Variants in EXOC2 observed in about 807,000 individuals in gnomAD.
The protein encoded by EXOC2 is exocyst complex component 2.
In EXOC2, 70 loss-of-function variants were observed where a neutral mutation model predicts 131.8. The observed-to-expected ratio is 0.53, with a 90% CI of 0.44 to 0.65. The LOEUF is 0.65. Ranked by LOEUF, EXOC2 falls within the 30% of genes least tolerant of loss-of-function variation. The pLI is 0.00. For missense variants in EXOC2, 923 were observed against 1,108.6 expected (o/e 0.83, Z 2.38); for synonymous variants, 411 against 398.4 (o/e 1.03, Z -0.38).
chr6:546,697 G>A (rs1756882111), intron 22 of EXOC2, among the ~76,000 whole-genome samples: 1 of 152,114 alleles, frequency 6.6e-6, no homozygotes, highest in Admixed American at 6.5e-5. Context: ...AATATATTTT[G>A]TCTTCCTAAT....
intron 22 of EXOC2, among the ~76,000 whole-genome samples, chr6:545,867 T>C (rs375961030): frequency 3.3e-5 from 5 of 152,296 alleles, no homozygotes; most frequent in African/African-American, 1.2e-4. Flanking sequence ...TTAACAAATG[T>C]TATAAAGCCA....
chr6:592,888 A>T (rs1224049011), intron 10 of EXOC2, among the ~76,000 whole-genome samples: 1 of 151,924 alleles, frequency 6.6e-6, no homozygotes, highest in Non-Finnish European at 1.5e-5. Context: ...AAATTAGCCA[A>T]GTGTGTTGGT....
intron 21 of EXOC2, among the ~76,000 whole-genome samples, chr6:551,784 C>T (rs1757157593): frequency 6.6e-6 from 1 of 152,230 alleles, no homozygotes; most frequent in African/African-American, 2.4e-5. Flanking sequence ...CTAAGCATTC[C>T]TTTGTTTAAA....
intron 22 of EXOC2, among the ~76,000 whole-genome samples, chr6:538,545 G>A (rs374665166): frequency 2.6e-5 from 4 of 152,232 alleles, no homozygotes; most frequent in African/African-American, 9.6e-5. Flanking sequence ...TGATGGGGGT[G>A]AGAAAGGCAG....
intron 1 of EXOC2, chr6:655,902 C>A: frequency 8.7e-6 from 4 of 458,092 alleles, no homozygotes; most frequent in South Asian, 3.7e-5. Flanking sequence ...GGAAAAAAAC[C>A]TGACAAACCC....
intron 22 of EXOC2, among the ~76,000 whole-genome samples, chr6:545,027 G>T (rs1756763517): frequency 1.3e-5 from 2 of 150,792 alleles, no homozygotes; most frequent in African/African-American, 2.4e-5. Context: ...GGTGCCTGTA[G>T]TCCCAGCTAC....
At chr6:594,376 T>G (rs576841841) in intron 10 of EXOC2, among the ~76,000 whole-genome samples, 9 of 152,344 alleles carry the variant, frequency 5.9e-5, no homozygotes, top group African/African-American at 1.9e-4. Context: ...GGATGATGCA[T>G]TTCAGCGTTC....
intron 10 of EXOC2, among the ~76,000 whole-genome samples, chr6:594,499 T>A (rs933997804): frequency 6.6e-6 from 1 of 152,234 alleles, no homozygotes; most frequent in Non-Finnish European, 1.5e-5. Flanking sequence ...AGATACTCTT[T>A]TAGGGACGGT....
At chr6:691,010 T>C (rs886801524) in intron 1 of EXOC2, among the ~76,000 whole-genome samples, 2 of 152,214 alleles carry the variant, frequency 1.3e-5, no homozygotes, top group African/African-American at 4.8e-5. Context: ...ACCTACTATG[T>C]GGCAGACGCT....
intron 1 of EXOC2, among the ~76,000 whole-genome samples, chr6:685,127 A>AAC (rs35607623): frequency 0.25 from 38,042 of 149,456 alleles, 4,881 homozygotes; most frequent in Non-Finnish European, 0.28. Context: ...ATCATTTGAA[A>AAC]ACACACACAC....
intron 21 of EXOC2, among the ~76,000 whole-genome samples, chr6:551,467 A>G (rs1327002194): frequency 6.6e-6 from 1 of 152,240 alleles, no homozygotes; most frequent in African/African-American, 2.4e-5. Context: ...CTGCAGAGAC[A>G]CATGTGAGGT....
intron 1 of EXOC2, among the ~76,000 whole-genome samples, chr6:691,691 G>C (rs755807032): frequency 6.6e-6 from 1 of 152,202 alleles, no homozygotes; most frequent in East Asian, 1.9e-4. Flanking sequence ...TTTTGACTGC[G>C]TGGGCACCCC....
At chr6:658,059 T>C (rs1763221413) in intron 1 of EXOC2, among the ~76,000 whole-genome samples, 1 of 152,188 alleles carries the variant, frequency 6.6e-6, no homozygotes, top group Non-Finnish European at 1.5e-5. Flanking sequence ...TACTTTAATG[T>C]TATCTGTTTT....
At chr6:679,828 A>T (rs1031731347) in intron 1 of EXOC2, among the ~76,000 whole-genome samples, 3 of 152,242 alleles carry the variant, frequency 2.0e-5, no homozygotes, top group Non-Finnish European at 4.4e-5. Flanking sequence ...ATACGAATAA[A>T]TAAATAGGCA....
intron 12 of EXOC2, 31 bp from the exon 13 acceptor site, chr6:572,675 T>C (rs1758351619): frequency 6.2e-7 from 1 of 1,602,268 alleles, no homozygotes; most frequent in South Asian, 1.1e-5. Context: ...ATACTATGAT[T>C]GTACTTCTGA....
chr6:625,780 C>T (rs1430628956), intron 4 of EXOC2, among the ~76,000 whole-genome samples: 1 of 152,136 alleles, frequency 6.6e-6, no homozygotes, highest in Non-Finnish European at 1.5e-5. Flanking sequence ...TCGCCCATAA[C>T]ACCCATGTAG....
At chr6:518,051 C>T (rs554295419) in intron 23 of EXOC2, among the ~76,000 whole-genome samples, 7 of 152,250 alleles carry the variant, frequency 4.6e-5, no homozygotes, top group South Asian at 2.1e-4. Context: ...AATCCTGATA[C>T]GAACAAACTG....
chr6:569,483 G>C (rs1050992091), intron 13 of EXOC2, among the ~76,000 whole-genome samples: 1 of 152,186 alleles, frequency 6.6e-6, no homozygotes, highest in Non-Finnish European at 1.5e-5. Context: ...AGAAAAATAA[G>C]AAAATTCAAA....
intron 1 of EXOC2, among the ~76,000 whole-genome samples, chr6:651,234 T>A (rs1165398928): frequency 6.6e-6 from 1 of 152,024 alleles, no homozygotes; most frequent in Non-Finnish European, 1.5e-5. Context: ...GGGGTTTCAC[T>A]ATGTTAGCCA....
Sources: allele counts gnomAD v4.1 joint callset (sites outside exome capture counted in the v4.1 genomes callset), GRCh38; gene constraint gnomAD v4.1.1; transcripts MANE v1.5; gene names NCBI Gene and HGNC (gene_info 2026-07-23, HGNC 2026-07-21).